Variants in PTPRM observed in about 807,000 individuals in gnomAD.
PTPRM encodes the protein protein tyrosine phosphatase receptor type M.
Under a neutral mutation model 186.7 loss-of-function variants are expected in PTPRM, and 47 were observed. The observed-to-expected ratio is 0.25, with a 90% confidence interval of 0.20 to 0.32. PTPRM has a LOEUF of 0.32. PTPRM is among the 10% of genes least tolerant of loss of function. PTPRM has a pLI of 1.00. For synonymous variants in PTPRM, 668 were observed against 674.9 expected, an observed-to-expected ratio of 0.99 and a Z score of 0.16; for missense variants, 1,494 against 1,865.0, an observed-to-expected ratio of 0.80 and a Z score of 3.66.
At chr18:8,001,266 C>T (rs1213540429) in intron 7 of PTPRM, among the ~76,000 whole-genome samples, 3 of 152,130 alleles carry the variant, frequency 2.0e-5, no homozygotes, top group Admixed American at 6.6e-5. Context: ...TAGGGGATAG[C>T]GATAGACTCC....
At chr18:8,380,185 T>TA (rs1476416667) in intron 28 of PTPRM, 111 bp from the exon 29 acceptor site, 9 of 1,196,022 alleles carry the variant, frequency 7.5e-6, no homozygotes, top group Non-Finnish European at 1.1e-5. Context: ...CAACAGCTGT[T>TA]AAACATGTTC....
At chr18:7,918,316 A>G (rs918222617) in intron 4 of PTPRM, among the ~76,000 whole-genome samples, 6 of 152,072 alleles carry the variant, frequency 3.9e-5, no homozygotes, top group African/African-American at 1.4e-4. Flanking sequence ...ACCTCAATGC[A>G]GTTTTTCATA....
chr18:8,205,917 G>T (rs1247893038), intron 14 of PTPRM, among the ~76,000 whole-genome samples: 1 of 152,148 alleles, frequency 6.6e-6, no homozygotes, highest in Non-Finnish European at 1.5e-5. Context: ...TATTTGGAGT[G>T]CCCGGTGATT....
At chr18:7,900,271 G>A (rs562147516) in intron 3 of PTPRM, among the ~76,000 whole-genome samples, 7 of 152,226 alleles carry the variant, frequency 4.6e-5, no homozygotes, top group Non-Finnish European at 1.0e-4. Flanking sequence ...TTTATTCATG[G>A]ACATTGAAAT....
At chr18:8,394,919 A>T (rs1009763310) in intron 32 of PTPRM, among the ~76,000 whole-genome samples, 2 of 152,192 alleles carry the variant, frequency 1.3e-5, no homozygotes, top group Non-Finnish European at 2.9e-5. Flanking sequence ...CTTAGTCTTC[A>T]CAGAGAAGAA....
chr18:8,106,233 T>C (rs2091511375), intron 11 of PTPRM, among the ~76,000 whole-genome samples: 1 of 152,186 alleles, frequency 6.6e-6, no homozygotes, highest in South Asian at 2.1e-4. Context: ...ACCCAGCTCA[T>C]TGTCTTCCAT....
chr18:8,242,237 G>T (rs1426208504), intron 14 of PTPRM, among the ~76,000 whole-genome samples: 1 of 152,168 alleles, frequency 6.6e-6, no homozygotes, highest in Non-Finnish European at 1.5e-5. Flanking sequence ...GCAAATCAAA[G>T]AAATTCAAGC....
intron 24 of PTPRM, among the ~76,000 whole-genome samples, chr18:8,371,265 T>G (rs2095661109): frequency 6.6e-6 from 1 of 152,224 alleles, no homozygotes; most frequent in Non-Finnish European, 1.5e-5. Flanking sequence ...TTATTTTCTT[T>G]CCCTGGTTGA....
intron 2 of PTPRM, among the ~76,000 whole-genome samples, chr18:7,831,920 C>A (rs993594068): frequency 6.6e-6 from 1 of 152,152 alleles, no homozygotes; most frequent in African/African-American, 2.4e-5. Context: ...AGCATAATGT[C>A]CTCCAGTTCC....
rs564092647 is a variant in PTPRM at position 8,210,271 on chromosome 18, A to G, written c.2301-33787A>G. Among the ~76,000 whole-genome samples the G allele has an allele frequency of 1.1e-4, 16 of 152,226 alleles. No homozygotes were observed. The South Asian group carries it at 3.3e-3, about 32-fold the overall frequency. On this transcript the variant is annotated intron_variant, in intron 14 of 32. Coordinates refer to ENST00000580170, the MANE Select transcript of PTPRM (RefSeq NM_001105244.2). Reference sequence around the variant, plus strand: ...GTTTGCCATGAGCAGAGATTGCACCACTGCATTCCAGCCAAGGCGACAGAG... The same window carrying G: ...GTTTGCCATGAGCAGAGATTGCACCGCTGCATTCCAGCCAAGGCGACAGAG...
At chr18:7,598,651 T>C (rs1186712209) in intron 1 of PTPRM, among the ~76,000 whole-genome samples, 1 of 152,230 alleles carries the variant, frequency 6.6e-6, no homozygotes, top group African/African-American at 2.4e-5. Flanking sequence ...AGCACTTTCT[T>C]GGAAGACATG....
At chr18:8,335,466 A>G (rs1212360089) in intron 22 of PTPRM, among the ~76,000 whole-genome samples, 2 of 152,226 alleles carry the variant, frequency 1.3e-5, no homozygotes, top group Non-Finnish European at 1.5e-5. Context: ...ACCTGCTCTA[A>G]ACATTTGAGT....
intron 1 of PTPRM, among the ~76,000 whole-genome samples, chr18:7,769,037 A>T (rs982499741): frequency 3.9e-5 from 6 of 152,130 alleles, no homozygotes; most frequent in Admixed American, 3.9e-4. Context: ...GTGTGGTCAC[A>T]TACTGTCATA....
At chr18:8,397,290 G>A (rs935134415) in intron 32 of PTPRM, among the ~76,000 whole-genome samples, 7 of 152,314 alleles carry the variant, frequency 4.6e-5, no homozygotes, top group East Asian at 3.9e-4. Flanking sequence ...CTGCCAGGGC[G>A]GGTGAGCACA....
chr18:7,936,944 A>G (rs1287795651), intron 5 of PTPRM, among the ~76,000 whole-genome samples: 4 of 152,154 alleles, frequency 2.6e-5, no homozygotes, highest in African/African-American at 7.2e-5. Context: ...GCCTGCATAC[A>G]GGAGCTACCC....
chr18:7,740,295 T>A (rs1568066747), intron 1 of PTPRM, among the ~76,000 whole-genome samples: 1 of 152,152 alleles, frequency 6.6e-6, no homozygotes, highest in Non-Finnish European at 1.5e-5. Context: ...AGGAGGAAAC[T>A]GAAGCAAAAT....
chr18:7,601,183 C>T (rs543070690), intron 1 of PTPRM, among the ~76,000 whole-genome samples: 8 of 152,280 alleles, frequency 5.3e-5, no homozygotes, highest in African/African-American at 1.7e-4. Context: ...TCCAAATTAC[C>T]GTTTTTCTAG....
At chr18:8,126,029 T>A (rs2092352589) in intron 13 of PTPRM, among the ~76,000 whole-genome samples, 1 of 74,860 alleles carries the variant, frequency 1.3e-5, no homozygotes, top group Non-Finnish European at 2.9e-5. Context: ...ATATATATAT[T>A]TTAAATCAGT....
chr18:7,680,551 G>A (rs1192228343), intron 1 of PTPRM, among the ~76,000 whole-genome samples: 3 of 152,154 alleles, frequency 2.0e-5, no homozygotes, highest in Non-Finnish European at 2.9e-5. Flanking sequence ...TCGGGTAGAC[G>A]TAGGAAAACC....
Sources: allele counts gnomAD v4.1 joint callset (sites outside exome capture counted in the v4.1 genomes callset), GRCh38; gene constraint gnomAD v4.1.1; transcripts MANE v1.5; gene names NCBI Gene and HGNC (gene_info 2026-07-23, HGNC 2026-07-21).